The following GABRA2 variants were observed in gnomAD, a reference collection of about 807,000 sequenced individuals.
The protein encoded by GABRA2 is gamma-aminobutyric acid type A receptor subunit alpha2, also known as gamma-aminobutyric acid receptor subunit alpha-2.
Under a neutral mutation model 48.7 loss-of-function variants are expected in GABRA2, and 16 were observed. The ratio of observed to expected loss-of-function variants is 0.33; its 90% CI spans 0.22 to 0.50. The LOEUF is 0.50. GABRA2 is among the 20% of genes least tolerant of loss of function. The pLI is 0.98. For missense variants in GABRA2, 275 were observed against 535.6 expected, an observed-to-expected ratio of 0.51 and a Z score of 4.80; for synonymous variants, 185 against 184.5, an observed-to-expected ratio of 1.00 and a Z score of -0.02.
intron 3 of GABRA2, among the ~76,000 whole-genome samples, chr4:46,347,656 G>A (rs1210853995): frequency 3.3e-5 from 5 of 151,848 alleles, no homozygotes; most frequent in Admixed American, 1.3e-4. Context: ...TAAAACATAA[G>A]GGAAAGCTAT....
chr4:46,261,193 A>G (rs576470370), intron 9 of GABRA2: 2 of 152,144 alleles, frequency 1.3e-5, no homozygotes, highest in South Asian at 4.1e-4. Context: ...CATTAGATTC[A>G]GTACTTGAAA....
intron 8 of GABRA2, among the ~76,000 whole-genome samples, chr4:46,300,914 CT>C (rs1201870023): frequency 2.6e-5 from 4 of 152,066 alleles, no homozygotes; most frequent in Admixed American, 2.6e-4. Context: ...AACTTTTCCC[CT>C]ACCTCTTGTA....
intron 8 of GABRA2, among the ~76,000 whole-genome samples, chr4:46,289,966 C>T (rs1234433894): frequency 6.8e-6 from 1 of 146,238 alleles, no homozygotes; most frequent in Non-Finnish European, 1.5e-5. Flanking sequence ...GGCTGGAGTG[C>T]GGTGGCGCGA....
At chr4:46,349,897 T>C (rs1048135204) in intron 3 of GABRA2, among the ~76,000 whole-genome samples, 2 of 151,956 alleles carry the variant, frequency 1.3e-5, no homozygotes, top group African/African-American at 4.8e-5. Context: ...GATTACTCTA[T>C]ACTTAACATG....
chr4:46,388,561 T>G (rs1717790737), intron 2 of GABRA2, 75 bp downstream of exon 2: 2 of 1,544,738 alleles, frequency 1.3e-6, no homozygotes, highest in Non-Finnish European at 1.8e-6. Context: ...CCCTTGATTT[T>G]CAAAAGCATT....
intron 4 of GABRA2, 45 bp downstream of exon 4, chr4:46,332,570 C>A: frequency 9.3e-7 from 1 of 1,079,340 alleles, no homozygotes; most frequent in South Asian, 1.3e-5. Context: ...TTACCCCCCA[C>A]TCCCCATTAT....
chr4:46,297,753 G>A (rs73244127), intron 8 of GABRA2, among the ~76,000 whole-genome samples: 20,410 of 151,198 alleles, frequency 0.13, 1,841 homozygotes, highest in East Asian at 0.24. Context: ...ATTTACCTCT[G>A]CTCTAATCTT....
chr4:46,347,541 T>C (rs1734352838), intron 3 of GABRA2, among the ~76,000 whole-genome samples: 1 of 151,970 alleles, frequency 6.6e-6, no homozygotes, highest in Non-Finnish European at 1.5e-5. Flanking sequence ...TCTATCCACA[T>C]GCAGAAGAAT....
At chr4:46,252,741 G>A (rs566673273) in intron 9 of GABRA2, among the ~76,000 whole-genome samples, 20 of 151,410 alleles carry the variant, frequency 1.3e-4, no homozygotes, top group Non-Finnish European at 2.1e-4. Flanking sequence ...AACATATAGC[G>A]TTTATATTAT....
At chr4:46,280,977 C>T (rs111923584) in intron 8 of GABRA2, among the ~76,000 whole-genome samples, 1,887 of 152,266 alleles carry the variant, frequency 0.012, 44 homozygotes, top group African/African-American at 0.043. Context: ...TTGCTGAACC[C>T]TGATCATCGA....
chr4:46,252,640 C>T (rs546323635), intron 9 of GABRA2, among the ~76,000 whole-genome samples: 2 of 151,550 alleles, frequency 1.3e-5, no homozygotes, highest in South Asian at 2.1e-4. Flanking sequence ...CTGTTTGAGA[C>T]ATGGAGTATG....
At chr4:46,303,678 G>A in intron 7 of GABRA2, 66 bp from the exon 8 acceptor site, 2 of 1,394,580 alleles carry the variant, frequency 1.4e-6, no homozygotes, top group South Asian at 2.5e-5. Flanking sequence ...GGAAATAGAA[G>A]GGATCAGAGG....
rs867688225 is a variant in GABRA2, at chr4:46,289,915, T to A, written c.856+13545A>T. Among the ~76,000 whole-genome samples the A allele has an allele frequency of 9.1e-4, 114 of 125,136 alleles. 1 individual carries two copies. The East Asian group carries it at 0.011, about 12-fold the overall frequency. The allele number at this position is 125,136 out of a possible 152,430, so 82.1% of individuals were successfully genotyped here. A position where few individuals can be genotyped will look rare whatever the true frequency, so the allele number is the denominator to read the frequency against. On this transcript the variant is annotated intron_variant, in intron 8 of 9. Transcript: ENST00000381620. ...TATTTATTTATTTATTTATTTTTATTTTTTTTTTTTTTTTGAGACTGAGTC... is the reference window on the plus strand; with the variant it reads ...TATTTATTTATTTATTTATTTTTATATTTTTTTTTTTTTTGAGACTGAGTC...
At chr4:46,286,632 T>C (rs940384216) in intron 8 of GABRA2, among the ~76,000 whole-genome samples, 16 of 152,148 alleles carry the variant, frequency 1.1e-4, no homozygotes, top group Non-Finnish European at 2.9e-5. Flanking sequence ...CAAATACTTA[T>C]ATAGCCAACC....
intron 8 of GABRA2, among the ~76,000 whole-genome samples, chr4:46,267,926 T>A (rs1418637696): frequency 6.6e-6 from 1 of 152,012 alleles, no homozygotes; most frequent in African/African-American, 2.4e-5. Context: ...ATTTTTCAGA[T>A]TATGGATGCT....
Position 46,324,077 on chromosome 4 carries a change from C to G in GABRA2, c.255+8538G>C, listed in dbSNP as rs373831886. ...TCAACCACGCTGCTTAAAAATGTTACCTCCACTCTTTCTCTATTTCCTCAC... is the reference window on the plus strand; with the variant it reads ...TCAACCACGCTGCTTAAAAATGTTAGCTCCACTCTTTCTCTATTTCCTCAC... On this transcript the variant is annotated intron_variant, in intron 4 of 9. Transcript: ENST00000381620. Among the ~76,000 whole-genome samples, 7 of 152,004 alleles carry G rather than the reference C, an allele frequency of 4.6e-5. No homozygotes were observed. In the East Asian group the frequency reaches 7.8e-4, roughly 17 times the overall value.
Position 46,300,319 on chromosome 4 carries a change from G to A in GABRA2, c.856+3141C>T, listed in dbSNP as rs193037710. On this transcript the variant is annotated intron_variant, in intron 8 of 9. Transcript: ENST00000381620. ...TGGATCTGTGTGTGTGTGCGCGCGCGTTTTGAGATGTTGAAATTAACATCT... is the reference window on the plus strand; with the variant it reads ...TGGATCTGTGTGTGTGTGCGCGCGCATTTTGAGATGTTGAAATTAACATCT... Among the ~76,000 whole-genome samples, 28 of 151,924 alleles carry A rather than the reference G, an allele frequency of 1.8e-4. No individual in the cohort carries two copies. The East Asian group carries it at 3.9e-3, about 21-fold the overall frequency.
intron 8 of GABRA2, among the ~76,000 whole-genome samples, chr4:46,292,397 T>A (rs750221125): frequency 1.1e-4 from 16 of 152,150 alleles, no homozygotes; most frequent in Non-Finnish European, 2.2e-4. Flanking sequence ...TCACCAGGTG[T>A]CTACTGTTAA....
intron 3 of GABRA2, among the ~76,000 whole-genome samples, chr4:46,336,131 A>G (rs175929): frequency 0.38 from 58,282 of 152,070 alleles, 11,845 homozygotes; most frequent in East Asian, 0.57. Flanking sequence ...GGCTTACTAC[A>G]ATGTCTATCA....
Sources: allele counts gnomAD v4.1 joint callset (sites outside exome capture counted in the v4.1 genomes callset), GRCh38; gene constraint gnomAD v4.1.1; transcripts MANE v1.5; gene names NCBI Gene and HGNC (gene_info 2026-07-23, HGNC 2026-07-21).